Variants in SCAF11 observed in about 807,000 individuals in gnomAD.
SCAF11 encodes SR-related CTD associated factor 11.
In SCAF11, 47 loss-of-function variants were observed where a neutral mutation model predicts 140.5. That is an observed-to-expected ratio of 0.33 (90% CI 0.26 to 0.43). The LOEUF is 0.43. Among genes scored for constraint, SCAF11 ranks in the 20% least tolerant of loss-of-function variants. The pLI is 1.00. For missense variants in SCAF11, 1,645 were observed against 1,705.1 expected (o/e 0.96, Z 0.62); for synonymous variants, 557 against 579.4 (o/e 0.96, Z 0.55).
intron 11 of SCAF11, 92 bp downstream of exon 11, chr12:45,926,050 A>G: frequency 7.5e-7 from 1 of 1,341,402 alleles, no homozygotes; most frequent in Non-Finnish European, 1.0e-6. Flanking sequence ...TAAAAACTAC[A>G]AATAAGGATC....
chr12:45,956,165 T>C, intron 3 of SCAF11: 1 of 716,864 alleles, frequency 1.4e-6, no homozygotes. Flanking sequence ...CTATCCTCAA[T>C]CACATAGGCT....
chr12:45,983,392 G>C (rs1592228924), intron 1 of SCAF11, among the ~76,000 whole-genome samples: 1 of 152,184 alleles, frequency 6.6e-6, no homozygotes, highest in Non-Finnish European at 1.5e-5. Context: ...ACTATGGGTA[G>C]AGTGAATGCC....
intron 6 of SCAF11, among the ~76,000 whole-genome samples, chr12:45,944,179 G>A (rs1331412195): frequency 1.3e-5 from 2 of 152,140 alleles, no homozygotes; most frequent in African/African-American, 4.8e-5. Flanking sequence ...CTTAGAATTG[G>A]CAAGCAAATG....
In SCAF11 at chr12:45,990,429, A is replaced by C; in HGVS notation, c.-98T>G. The C allele has an allele frequency of 2.4e-6, 3 of 1,231,872 alleles. No individual in the cohort carries two copies. The highest frequency in any genetic ancestry group is 3.0e-6 in the Non-Finnish European group (3 of 988,306). The allele number at this position is 1,231,872 out of a possible 1,614,324, so 76.3% of individuals were successfully genotyped here. On this transcript the variant is annotated 5_prime_UTR_variant, in exon 1 of 15. Transcript: ENST00000369367. ...CCAGGTCCCAGTCACTCCGCTGCCA[A>C]GTTCCCCAACATGGACTCCTTCGTC...
chr12:45,948,084 T>G (rs4768670), intron 5 of SCAF11, among the ~76,000 whole-genome samples: 44,065 of 152,012 alleles, frequency 0.29, 6,636 homozygotes, highest in East Asian at 0.34. Flanking sequence ...TTCTTTTTAT[T>G]TTGTGTTATT....
Position 45,924,868 on chromosome 12 carries a change from G to A in SCAF11, c.3766C>T (p.His1256Tyr), listed in dbSNP as rs769294707. The change falls in exon 12 of 15, where the codon CAT becomes TAT. Residue 1256 changes from histidine to tyrosine, a missense_variant. Physicochemically the swap from His to Tyr is moderately conservative, Grantham distance 83. Around this residue, in one of 2 missense-constraint regions of SCAF11, gnomAD observed 1,582 missense variants for 1,609.2 expected, o/e 0.98. Coordinates refer to ENST00000369367, the MANE Select transcript of SCAF11 (RefSeq NM_004719.3). ...ATGAGGGGCACTCCTGTGTGGAGAT[G>A]CAAGGGTAGCTGAGGATGAATGTTA... ...PFNIHPQLPLHLHTGVPLMQV... is the reference protein window; with the variant it reads ...PFNIHPQLPLYLHTGVPLMQV... 1.2e-6 allele frequency: 2 copies of A among 1,614,032 alleles called. No individual in the cohort carries two copies. The highest frequency in any genetic ancestry group is 1.3e-5 in the African/African-American group (1 of 74,910).
At chr12:45,968,054 T>C (rs1945991751) in intron 1 of SCAF11, among the ~76,000 whole-genome samples, 1 of 152,224 alleles carries the variant, frequency 6.6e-6, no homozygotes, top group Non-Finnish European at 1.5e-5. Context: ...TACCCTTCCT[T>C]GTAGTTACCT....
intron 3 of SCAF11, chr12:45,961,462 A>T: frequency 1.7e-6 from 1 of 598,428 alleles, no homozygotes; most frequent in Non-Finnish European, 3.0e-6. Context: ...TGTTCTTCCT[A>T]TAAGGTTATT....
intron 4 of SCAF11, among the ~76,000 whole-genome samples, chr12:45,949,570 A>T (rs1324607138): frequency 6.6e-6 from 1 of 152,158 alleles, no homozygotes; most frequent in African/African-American, 2.4e-5. Flanking sequence ...AAGAGGGAAC[A>T]ATGGAGGGAT....
chr12:45,961,937 G>T, intron 2 of SCAF11, 80 bp from the exon 3 acceptor site: 1 of 1,140,142 alleles, frequency 8.8e-7, no homozygotes, highest in Non-Finnish European at 1.2e-6. Flanking sequence ...TAGTGGATTA[G>T]ATACTCTAAA....
At chr12:45,926,056 G>T in intron 11 of SCAF11, 86 bp downstream of exon 11, 1 of 1,362,920 alleles carries the variant, frequency 7.3e-7, no homozygotes. Flanking sequence ...CTACAAATAA[G>T]GATCATTTCA....
intron 6 of SCAF11, chr12:45,935,102 T>C (rs1207146819): frequency 1.3e-5 from 2 of 152,262 alleles, no homozygotes; most frequent in Admixed American, 6.5e-5. Context: ...GCTTATGACT[T>C]GTCCACAGTG....
In SCAF11 at chr12:45,926,803, C is replaced by A; in HGVS notation, c.2898G>T (p.Trp966Cys). The A allele has an allele frequency of 6.2e-7, 1 of 1,614,172 alleles. No individual in the cohort carries two copies. The highest frequency in any genetic ancestry group is 1.1e-5 in the South Asian group (1 of 91,088). The change falls in exon 11 of 15, where the codon TGG becomes TGT. Residue 966 changes from tryptophan (W) to cysteine (C), a missense_variant. Around this residue, in one of 2 missense-constraint regions of SCAF11, gnomAD observed 1,582 missense variants for 1,609.2 expected, o/e 0.98. Coordinates refer to ENST00000369367, the MANE Select transcript of SCAF11 (RefSeq NM_004719.3). ...RIDRDSYSPR[W>C]KGRWANDGWR... is the part of the protein sequence containing the mutation. ...AACCATCATTTGCCCATCTTCCCTT[C>A]CACCGGGGAGAGTAACTATCTCTGT...
intron 10 of SCAF11, among the ~76,000 whole-genome samples, chr12:45,930,454 T>TG (rs1945015344): frequency 6.7e-6 from 1 of 148,576 alleles, no homozygotes; most frequent in African/African-American, 2.5e-5. Flanking sequence ...TGTTTTTTTT[T>TG]TGTTTTTTTT....
At chr12:45,947,911 A>C (rs1197530138) in intron 5 of SCAF11, among the ~76,000 whole-genome samples, 1 of 152,114 alleles carries the variant, frequency 6.6e-6, no homozygotes, top group Non-Finnish European at 1.5e-5. Flanking sequence ...TCCTGAGCTC[A>C]AGTGATCCTC....
chr12:45,945,185 C>T, intron 6 of SCAF11, 64 bp downstream of exon 6: 1 of 942,436 alleles, frequency 1.1e-6, no homozygotes. Context: ...AGAACTCTGA[C>T]ACAACCATTA....
At chr12:45,955,993 A>G in intron 3 of SCAF11, 1 of 654,898 alleles carries the variant, frequency 1.5e-6, no homozygotes, top group Non-Finnish European at 2.7e-6. Context: ...TGATAGAAAA[A>G]AATAATCTTC....
intron 6 of SCAF11, among the ~76,000 whole-genome samples, chr12:45,940,723 G>A (rs980795311): frequency 4.6e-5 from 7 of 152,190 alleles, no homozygotes; most frequent in Non-Finnish European, 1.0e-4. Context: ...ATCTAAAACA[G>A]TTTCACCGCA....
At position 45,940,897 on chromosome 12, in the gene SCAF11, C is replaced by T. The variant is rs141567863; in HGVS notation, c.463+4352G>A. On this transcript the variant is annotated intron_variant, in intron 6 of 14. Coordinates refer to ENST00000369367, the MANE Select transcript of SCAF11 (RefSeq NM_004719.3). The stretch of plus-strand genomic sequence containing the variant: ...GACTCACCTGCAGCCTCAACTTCCC[C>T]AGGCTCAGGTGATCCTCCCACCTCA... Among the ~76,000 whole-genome samples, 1,088 of 152,222 alleles carry T rather than the reference C, an allele frequency of 7.1e-3. 10 individuals are homozygous for T. The highest frequency in any genetic ancestry group is 0.025 in the African/African-American group (1,033 of 41,538).
Sources: allele counts gnomAD v4.1 joint callset (sites outside exome capture counted in the v4.1 genomes callset), GRCh38; gene constraint gnomAD v4.1.1; regional missense constraint gnomAD v4.1.1; transcripts MANE v1.5; gene names NCBI Gene and HGNC (gene_info 2026-07-23, HGNC 2026-07-21).